The following ZC3H12B variants were observed in gnomAD, a reference collection of about 807,000 sequenced individuals.
The protein encoded by ZC3H12B is probable ribonuclease ZC3H12B.
ZC3H12B carries 7 observed loss-of-function variants against 43.9 expected under a neutral mutation model. That is an observed-to-expected ratio of 0.16 (90% CI 0.09 to 0.30). The LOEUF (loss-of-function observed/expected upper bound fraction) is 0.30, where lower values mean the gene tolerates loss of function less well. Among genes scored for constraint, ZC3H12B ranks in the 10% least tolerant of loss-of-function variants. The pLI, the probability that ZC3H12B is intolerant of heterozygous loss-of-function variation, is 1.00. For synonymous variants in ZC3H12B, 222 were observed against 241.7 expected, an observed-to-expected ratio of 0.92 and a Z score of 0.76; for missense variants, 475 against 670.2, an observed-to-expected ratio of 0.71 and a Z score of 3.22.
chrX:65,211,704 A>C, the ZC3H12B span, among the ~76,000 whole-genome samples: 1 of 89,336 alleles, frequency 1.1e-5, no homozygotes, highest in Non-Finnish European at 2.1e-5. Context: ...TATATAATAT[A>C]TAATATATAT....
intron 3 of ZC3H12B, among the ~76,000 whole-genome samples, chrX:65,426,392 CAA>C (rs58910748): frequency 0.12 from 5,019 of 41,955 alleles, 565 homozygotes; most frequent in African/African-American, 0.31. Flanking sequence ...TAATTATTTC[CAA>C]AAAAAAAAAA....
the ZC3H12B span, among the ~76,000 whole-genome samples, chrX:65,056,697 A>G: frequency 9.0e-6 from 1 of 110,732 alleles, no homozygotes; most frequent in Non-Finnish European, 1.9e-5. Flanking sequence ...GGGTGTTAAA[A>G]TCTCCCATTA....
At chrX:65,144,196 A>G in the ZC3H12B span, among the ~76,000 whole-genome samples, 1 of 111,579 alleles carries the variant, frequency 9.0e-6, no homozygotes, top group Non-Finnish European at 1.9e-5. Flanking sequence ...TGGTCTGTTC[A>G]AGGTATCTGA....
chrX:65,313,256 C>G, the ZC3H12B span, among the ~76,000 whole-genome samples: 2 of 112,102 alleles, frequency 1.8e-5, no homozygotes, highest in Non-Finnish European at 3.8e-5. Flanking sequence ...TCTGTATTTT[C>G]TCTTACTACA....
the ZC3H12B span, among the ~76,000 whole-genome samples, chrX:65,158,534 A>AT: frequency 8.9e-6 from 1 of 111,766 alleles, no homozygotes; most frequent in Non-Finnish European, 1.9e-5. Flanking sequence ...GATGGTGAGC[A>AT]TTTTTTCATG....
chrX:65,373,833 T>A (rs1398051961), intron 2 of ZC3H12B, among the ~76,000 whole-genome samples: 1 of 86,932 alleles, frequency 1.2e-5, no homozygotes, highest in African/African-American at 4.4e-5. Flanking sequence ...ACATGGCACA[T>A]GCATACATAT....
chrX:65,145,450 A>G, the ZC3H12B span, among the ~76,000 whole-genome samples: 1 of 111,773 alleles, frequency 8.9e-6, no homozygotes, highest in East Asian at 2.8e-4. Flanking sequence ...TAAGTTGAGC[A>G]TTTAGGCCAT....
At chrX:65,363,740 C>T (rs937728697), upstream of ZC3H12B, among the ~76,000 whole-genome samples, 1 of 112,148 alleles carries the variant, frequency 8.9e-6, no homozygotes, top group Admixed American at 9.4e-5. Flanking sequence ...TTAGGCTGGC[C>T]ATCATGTCTC....
chrX:65,277,021 T>G, the ZC3H12B span, among the ~76,000 whole-genome samples: 1 of 110,448 alleles, frequency 9.1e-6, no homozygotes, highest in African/African-American at 3.3e-5. Context: ...AGGGAAGAAA[T>G]GGAAAAAGGT....
chrX:65,328,694 C>T, the ZC3H12B span, among the ~76,000 whole-genome samples: 1 of 62,311 alleles, frequency 1.6e-5, no homozygotes, highest in East Asian at 7.2e-4. Flanking sequence ...GCTATCCCTC[C>T]CCCCTCCCCC....
chrX:65,316,077 G>A, the ZC3H12B span, among the ~76,000 whole-genome samples: 2 of 111,474 alleles, frequency 1.8e-5, no homozygotes, highest in African/African-American at 3.3e-5. Flanking sequence ...GAATCTCAGA[G>A]CTTTAAGACC....
upstream of ZC3H12B, among the ~76,000 whole-genome samples, chrX:65,363,277 A>C (rs1158468385): frequency 2.7e-5 from 3 of 110,918 alleles, no homozygotes; most frequent in African/African-American, 9.9e-5. Context: ...ATCCCCCTCC[A>C]AAGCTCAAAT....
the ZC3H12B span, among the ~76,000 whole-genome samples, chrX:65,342,662 A>C: frequency 4.5e-5 from 5 of 111,192 alleles, no homozygotes; most frequent in African/African-American, 1.6e-4. Flanking sequence ...AGGTAGCACT[A>C]AGAGGAAAAT....
chrX:65,211,094 A>C, the ZC3H12B span, among the ~76,000 whole-genome samples: 1 of 105,664 alleles, frequency 9.5e-6, no homozygotes, highest in Admixed American at 1.0e-4. Context: ...GAAAGAAAAA[A>C]AAAAAAAAAA....
At chrX:65,111,537 A>AT in the ZC3H12B span, among the ~76,000 whole-genome samples, 3 of 94,008 alleles carry the variant, frequency 3.2e-5, no homozygotes, top group African/African-American at 6.0e-5. Flanking sequence ...TGCAATTTTT[A>AT]TTTTTTTATT....
intron 2 of ZC3H12B, among the ~76,000 whole-genome samples, chrX:65,389,200 C>T (rs972041466): frequency 5.3e-5 from 6 of 112,309 alleles, no homozygotes; most frequent in Admixed American, 9.4e-5. Context: ...GAGGATTCTG[C>T]TGCCTTTTGT....
At chrX:65,333,622 C>T in the ZC3H12B span, among the ~76,000 whole-genome samples, 5 of 112,073 alleles carry the variant, frequency 4.5e-5, no homozygotes, top group African/African-American at 1.6e-4. Flanking sequence ...TATTCATGAA[C>T]ATTTTGGCTC....
At chrX:65,290,846 T>A in the ZC3H12B span, among the ~76,000 whole-genome samples, 3 of 110,121 alleles carry the variant, frequency 2.7e-5, no homozygotes, top group Non-Finnish European at 5.7e-5. Flanking sequence ...TAATACAGAC[T>A]GGAAAGGTGA....
chrX:65,491,856 T>A (rs1217082621), intron 1 of ZC3H12B, among the ~76,000 whole-genome samples: 1 of 109,899 alleles, frequency 9.1e-6, no homozygotes, highest in African/African-American at 3.3e-5. Flanking sequence ...TTTGTTTTAA[T>A]GAGGGGAAAC....
Sources: gnomAD v4.1 joint callset for allele counts (sites outside exome capture counted in the v4.1 genomes callset) on GRCh38, gnomAD v4.1.1 for gene constraint, MANE v1.5 for transcripts, NCBI Gene and HGNC (gene_info 2026-07-23, HGNC 2026-07-21) for gene names.